The following ATG3 variants were observed in gnomAD, a reference collection of about 807,000 sequenced individuals.
ATG3 encodes autophagy related 3, also known as ubiquitin-like-conjugating enzyme ATG3.
Under a neutral mutation model 50.7 loss-of-function variants are expected in ATG3, and 25 were observed. The observed-to-expected ratio is 0.49, with a 90% CI of 0.36 to 0.69. The LOEUF is 0.69. Ranked by LOEUF, ATG3 falls within the 30% of genes least tolerant of loss-of-function variation. The probability of loss-of-function intolerance (pLI) is 0.00; values close to 1 mark genes in which losing one functional copy is unlikely to be tolerated. For synonymous variants in ATG3, 119 were observed against 125.5 expected (o/e 0.95, Z 0.34); for missense variants, 281 against 376.0 (o/e 0.75, Z 2.09).
At chr3:112,549,027 CAT>C (rs1933452636) in intron 4 of ATG3, among the ~76,000 whole-genome samples, 1 of 152,210 alleles carries the variant, frequency 6.6e-6, no homozygotes, top group Admixed American at 6.5e-5. Flanking sequence ...TACCAGCTAT[CAT>C]AGTCAGTGGT....
chr3:112,553,376 C>A lies in ATG3; in HGVS notation c.115-47G>T. ...TATGAAAAAAAGGAAAAAGAAAAAT[C>A]AAACATCACTGAATGTGCAAGGTGG... On this transcript the variant is annotated intron_variant, in intron 2 of 11. Coordinates refer to ENST00000283290, the MANE Select transcript of ATG3 (RefSeq NM_022488.5). The A allele has an allele frequency of 1.9e-6, 3 of 1,553,138 alleles. No homozygotes were observed. In the South Asian group the frequency reaches 3.3e-5, roughly 17 times the overall value.
chr3:112,551,852 T>C (rs1490893103), intron 3 of ATG3, among the ~76,000 whole-genome samples: 1 of 151,956 alleles, frequency 6.6e-6, no homozygotes, highest in Non-Finnish European at 1.5e-5. Context: ...AAATCAGAGA[T>C]CTTCTATGAC....
At chr3:112,539,692 A>G (rs765754332) in intron 7 of ATG3, among the ~76,000 whole-genome samples, 5 of 152,244 alleles carry the variant, frequency 3.3e-5, no homozygotes, top group Admixed American at 6.5e-5. Context: ...CACCAAGGAC[A>G]ATACCTGATA....
At chr3:112,554,113 G>A (rs535931603) in intron 2 of ATG3, among the ~76,000 whole-genome samples, 2 of 152,246 alleles carry the variant, frequency 1.3e-5, no homozygotes, top group East Asian at 1.9e-4. Context: ...TCTTACTGGC[G>A]AACAGAAATC....
intron 3 of ATG3, 140 bp downstream of exon 3, chr3:112,553,140 A>G: frequency 1.4e-6 from 1 of 691,390 alleles, no homozygotes; most frequent in Non-Finnish European, 2.5e-6. Flanking sequence ...TTGAAGGGGC[A>G]TTGTTTAACA....
At chr3:112,558,453 T>C (rs376394554) in intron 1 of ATG3, 36 bp from the exon 2 acceptor site, 9 of 1,451,328 alleles carry the variant, frequency 6.2e-6, no homozygotes, top group Non-Finnish European at 8.7e-6. Flanking sequence ...TATTATATCA[T>C]GTTTCACTAT....
At chr3:112,543,044 AAAAAC>A (rs1418999160) in intron 6 of ATG3, among the ~76,000 whole-genome samples, 2 of 152,086 alleles carry the variant, frequency 1.3e-5, no homozygotes, top group South Asian at 2.1e-4. Flanking sequence ...CTGTAAATAA[AAAAAC>A]AAAACAAACA....
At position 112,541,835 on chromosome 3, in the gene ATG3, T is replaced by A. The variant is rs1933236452; in HGVS notation, c.443A>T (p.Asp148Val). 6.2e-7 allele frequency: 1 copy of A among 1,612,430 alleles called. No individual in the cohort carries two copies. Among genetic ancestry groups the A allele is most frequent in the African/African-American group, 1.3e-5 (1 of 74,938 alleles). ...DCSALCEEEE[D>V]EDEGEAADME... ...ATCTGCAGCTTCTCCTTCATCTTCATCTTCTTCCTCTTCACATAGTGCTGA... is the reference window on the plus strand; with the variant it reads ...ATCTGCAGCTTCTCCTTCATCTTCAACTTCTTCCTCTTCACATAGTGCTGA... Residue 148 changes from aspartate (D) to valine (V), a missense_variant, in exon 7 of 12, where the codon GAT (aspartate) becomes GTT (valine). Asp to Val is a radical substitution (Grantham distance 152). This residue lies in a region of ATG3 where 242 missense variants were observed against 305.0 expected (regional missense o/e 0.79). Transcript: ENST00000283290.
intron 6 of ATG3, 186 bp downstream of exon 6, chr3:112,543,871 G>T: frequency 2.3e-6 from 1 of 442,056 alleles, no homozygotes; most frequent in Non-Finnish European, 4.1e-6. Context: ...GGCAGCAGTA[G>T]TGTTTTGGTG....
At position 112,533,599 on chromosome 3, in the gene ATG3, G is replaced by A. The variant is rs529292416; in HGVS notation, c.863+670C>T. The A allele has an allele frequency of 4.1e-6, 4 of 985,296 alleles. No individual in the cohort carries two copies. The South Asian group carries it at 1.4e-4, about 35-fold the overall frequency. The allele number at this position is 985,296 out of a possible 1,614,324, so 61.0% of individuals were successfully genotyped here. A position where few individuals can be genotyped will look rare whatever the true frequency, so the allele number is the denominator to read the frequency against. Reference sequence around the variant, plus strand: ...GTAGCCGAAACCACCACCAAGTCAAGTATTAACCTAGCATCAAACTAATTC... The same window carrying A: ...GTAGCCGAAACCACCACCAAGTCAAATATTAACCTAGCATCAAACTAATTC... On this transcript the variant is annotated intron_variant, in intron 11 of 11. Transcript: ENST00000283290.
At chr3:112,555,991 A>T (rs1392207971) in intron 2 of ATG3, among the ~76,000 whole-genome samples, 1 of 152,252 alleles carries the variant, frequency 6.6e-6, no homozygotes, top group Non-Finnish European at 1.5e-5. Flanking sequence ...TCACAGAGGA[A>T]ATAAAACCAA....
intron 5 of ATG3, among the ~76,000 whole-genome samples, chr3:112,548,050 T>C (rs2107380818): frequency 6.6e-6 from 1 of 152,266 alleles, no homozygotes; most frequent in South Asian, 2.1e-4. Flanking sequence ...GTAGCAGGTA[T>C]TATAGAAATT....
chr3:112,548,633 G>A lies in ATG3; in HGVS notation c.243C>T (p.Cys81=), dbSNP rs749481515. ...ATTCCATCTGTTTGCACCGCTTATA[G>A]CACGGCACTATAAAAAAAATGGTAA... ...KQFLVTKNVP[C]YKRCKQMEYS... is the part of the protein sequence containing the mutation. Residue 81 remains cysteine, a synonymous_variant, in exon 5 of 12, where the codon TGC becomes TGT. Transcript: ENST00000283290. 15 of 1,613,176 alleles carry A rather than the reference G, an allele frequency of 9.3e-6. No homozygotes were observed. In the East Asian group the frequency reaches 3.3e-4, roughly 36 times the overall value.
At chr3:112,533,404 C>T (rs894926763) in intron 11 of ATG3, 1 of 985,012 alleles carries the variant, frequency 1.0e-6, no homozygotes, top group African/African-American at 1.7e-5. Context: ...AGAGATGTGC[C>T]AGTTAGGCAT....
intron 2 of ATG3, among the ~76,000 whole-genome samples, chr3:112,554,227 C>T (rs1168253200): frequency 1.3e-5 from 2 of 152,184 alleles, no homozygotes; most frequent in Non-Finnish European, 2.9e-5. Context: ...CAAGCTAAGC[C>T]ATCATATACC....
chr3:112,560,423 G>A (rs1042496494), intron 1 of ATG3, among the ~76,000 whole-genome samples: 4 of 151,982 alleles, frequency 2.6e-5, no homozygotes, highest in Non-Finnish European at 5.9e-5. Flanking sequence ...CTTTTAAAAG[G>A]AGCTTTACAA....
chr3:112,547,869 A>G (rs961349025), intron 5 of ATG3, among the ~76,000 whole-genome samples: 3 of 152,268 alleles, frequency 2.0e-5, no homozygotes, highest in Non-Finnish European at 4.4e-5. Context: ...ATGTGAATAC[A>G]GTATAGTTCC....
chr3:112,545,931 C>T (rs1445340167), intron 5 of ATG3, among the ~76,000 whole-genome samples: 2 of 152,098 alleles, frequency 1.3e-5, no homozygotes, highest in African/African-American at 4.8e-5. Context: ...AAGCAGATTA[C>T]CCTCTACAAG....
intron 5 of ATG3, 81 bp downstream of exon 5, chr3:112,548,452 T>C: frequency 8.0e-7 from 1 of 1,245,020 alleles, no homozygotes; most frequent in African/African-American, 1.5e-5. Flanking sequence ...ATGTATCCTC[T>C]TTTTTAAATC....
Sources: allele counts gnomAD v4.1 joint callset (sites outside exome capture counted in the v4.1 genomes callset), GRCh38; gene constraint gnomAD v4.1.1; regional missense constraint gnomAD v4.1.1; transcripts MANE v1.5; gene names NCBI Gene and HGNC (gene_info 2026-07-23, HGNC 2026-07-21).